The following CNTN1 variants were observed in gnomAD, a reference collection of about 807,000 sequenced individuals.
CNTN1 encodes the protein contactin 1.
Under a neutral mutation model 126.4 loss-of-function variants are expected in CNTN1, and 38 were observed. The ratio of observed to expected loss-of-function variants is 0.30; its 90% confidence interval spans 0.23 to 0.39. CNTN1 has a LOEUF of 0.39. CNTN1 is among the 10% of genes least tolerant of loss of function. CNTN1 has a pLI of 1.00. For missense variants in CNTN1, 1,009 were observed against 1,248.4 expected, an observed-to-expected ratio of 0.81 and a Z score of 2.89; for synonymous variants, 413 against 422.6, an observed-to-expected ratio of 0.98 and a Z score of 0.28.
At chr12:40,809,850 A>ACACACACAC (rs60077116) in intron 1 of CNTN1, among the ~76,000 whole-genome samples, 10 of 139,754 alleles carry the variant, frequency 7.2e-5, no homozygotes, top group South Asian at 2.2e-4. Context: ...ACACACACAC[A>ACACACACAC]AAAGTCAAAA....
At chr12:41,051,861 A>G (rs1949691132) in intron 23 of CNTN1, among the ~76,000 whole-genome samples, 2 of 150,618 alleles carry the variant, frequency 1.3e-5, no homozygotes, top group African/African-American at 4.9e-5. Flanking sequence ...TAAACTCTGG[A>G]ACAGTTCATC....
intron 23 of CNTN1, among the ~76,000 whole-genome samples, chr12:41,040,852 A>T: frequency 6.9e-6 from 1 of 145,288 alleles, no homozygotes; most frequent in Non-Finnish European, 1.5e-5. Flanking sequence ...CAATCATGTC[A>T]TCTGCAAACA....
At chr12:41,017,508 A>G (rs949686346) in intron 19 of CNTN1, among the ~76,000 whole-genome samples, 1 of 151,982 alleles carries the variant, frequency 6.6e-6, no homozygotes, top group Admixed American at 6.5e-5. Context: ...ACAATACAGA[A>G]CACAAATTTT....
intron 15 of CNTN1, among the ~76,000 whole-genome samples, chr12:40,963,398 A>G (rs1307579167): frequency 1.3e-5 from 2 of 152,018 alleles, no homozygotes; most frequent in Non-Finnish European, 2.9e-5. Context: ...CAATTTTCCA[A>G]ATAATATTGT....
intron 1 of CNTN1, among the ~76,000 whole-genome samples, chr12:40,848,941 TA>T (rs1276137937): frequency 6.6e-6 from 1 of 151,874 alleles, no homozygotes; most frequent in African/African-American, 2.4e-5. Flanking sequence ...AGTATAAGAA[TA>T]TAATGTAATC....
At chr12:40,925,800 TTA>T (rs370971706) in intron 6 of CNTN1, among the ~76,000 whole-genome samples, 7,597 of 116,336 alleles carry the variant, frequency 0.065, 295 homozygotes, top group African/African-American at 0.11. Flanking sequence ...ACTATTGAAA[TTA>T]TATATATATA....
intron 1 of CNTN1, among the ~76,000 whole-genome samples, chr12:40,860,742 G>A (rs553581434): frequency 6.6e-6 from 1 of 152,030 alleles, no homozygotes; most frequent in Admixed American, 6.6e-5. Context: ...CCATGTGTTC[G>A]CCAACATGGA....
At chr12:40,726,519 A>T (rs998027720) in intron 1 of CNTN1, among the ~76,000 whole-genome samples, 1 of 152,202 alleles carries the variant, frequency 6.6e-6, no homozygotes, top group South Asian at 2.1e-4. Flanking sequence ...CAACCATCAG[A>T]TCTCCTGAGA....
At chr12:40,773,633 G>GTATATATATATATA (rs371522549) in intron 1 of CNTN1, among the ~76,000 whole-genome samples, 3 of 46,644 alleles carry the variant, frequency 6.4e-5, no homozygotes, top group African/African-American at 2.0e-4. Flanking sequence ...ACCAGAAACT[G>GTATATATATATATA]TATATATATA....
intron 1 of CNTN1, among the ~76,000 whole-genome samples, chr12:40,872,092 G>A (rs1264974571): frequency 6.6e-6 from 1 of 152,016 alleles, no homozygotes; most frequent in Non-Finnish European, 1.5e-5. Flanking sequence ...TGATTTTATA[G>A]TAGGAGAAAA....
intron 16 of CNTN1, among the ~76,000 whole-genome samples, chr12:40,990,012 C>G (rs1948061324): frequency 6.6e-6 from 1 of 151,594 alleles, no homozygotes; most frequent in Non-Finnish European, 1.5e-5. Context: ...GAAGTGAAAG[C>G]AGCTTAGAGA....
chr12:40,779,976 T>C (rs1038565212), intron 1 of CNTN1, among the ~76,000 whole-genome samples: 20 of 152,010 alleles, frequency 1.3e-4, no homozygotes, highest in African/African-American at 3.6e-4. Flanking sequence ...CTGGAGCAAA[T>C]TGAAAGAGTT....
chr12:40,997,477 C>T (rs374242153), intron 17 of CNTN1, among the ~76,000 whole-genome samples: 44 of 152,148 alleles, frequency 2.9e-4, no homozygotes, highest in African/African-American at 9.6e-4. Flanking sequence ...CTCTTTTTCA[C>T]ACATATTTGA....
chr12:41,061,917 C>G, intron 23 of CNTN1: 1 of 375,048 alleles, frequency 2.7e-6, no homozygotes, highest in Non-Finnish European at 5.3e-6. Flanking sequence ...TCTTCTCTAC[C>G]TAGCTTAGTA....
At chr12:40,698,489 G>A (rs1342093713) in intron 1 of CNTN1, among the ~76,000 whole-genome samples, 2 of 151,910 alleles carry the variant, frequency 1.3e-5, no homozygotes, top group Non-Finnish European at 2.9e-5. Flanking sequence ...GCCCGCCTCG[G>A]CCTCCCAAAG....
At position 40,930,546 on chromosome 12, in the gene CNTN1, T is replaced by C. The variant is rs561367147; in HGVS notation, c.703+544T>C. On this transcript the variant is annotated intron_variant, in intron 7 of 23. Coordinates refer to ENST00000551295, the MANE Select transcript of CNTN1 (RefSeq NM_001843.4). Reference sequence around the variant, plus strand: ...ATGGCAGATGACACTGACAATCTGATTGGCCTTTCCCCAGGCTCCAATTGA... The same window carrying C: ...ATGGCAGATGACACTGACAATCTGACTGGCCTTTCCCCAGGCTCCAATTGA... 3.9e-5 allele frequency among the ~76,000 whole-genome samples: 6 copies of C among 152,084 alleles called. No individual in the cohort carries two copies. In the East Asian group the frequency reaches 1.2e-3, roughly 29 times the overall value.
chr12:40,894,223 G>A (rs1944330097), intron 1 of CNTN1, among the ~76,000 whole-genome samples: 1 of 152,056 alleles, frequency 6.6e-6, no homozygotes, highest in Non-Finnish European at 1.5e-5. Context: ...CATTTGCTAA[G>A]CAAATGATTA....
chr12:41,066,582 A>C (rs1950053344), intron 23 of CNTN1, among the ~76,000 whole-genome samples: 1 of 152,214 alleles, frequency 6.6e-6, no homozygotes. Flanking sequence ...GTGGTCACAA[A>C]ATGTGACACC....
intron 1 of CNTN1, among the ~76,000 whole-genome samples, chr12:40,745,921 C>T (rs955351735): frequency 6.6e-6 from 1 of 152,014 alleles, no homozygotes; most frequent in African/African-American, 2.4e-5. Flanking sequence ...GGGAGTGACT[C>T]CCTGGTCCCT....
Sources: gnomAD v4.1 joint callset for allele counts (sites outside exome capture counted in the v4.1 genomes callset) on GRCh38, gnomAD v4.1.1 for gene constraint, MANE v1.5 for transcripts, NCBI Gene and HGNC (gene_info 2026-07-23, HGNC 2026-07-21) for gene names.